The following STK3 variants were observed in gnomAD, a reference collection of about 807,000 sequenced individuals.
The protein encoded by STK3 is serine/threonine kinase 3.
Under a neutral mutation model 58.0 loss-of-function variants are expected in STK3, and 41 were observed. The observed-to-expected ratio is 0.71, with a 90% CI of 0.55 to 0.92. STK3 has a LOEUF of 0.92. Among genes scored for constraint, STK3 ranks in the 40% least tolerant of loss-of-function variants. The probability of loss-of-function intolerance (pLI) is 0.00; values close to 1 mark genes in which losing one functional copy is unlikely to be tolerated. For missense variants in STK3, 479 were observed against 602.7 expected (o/e 0.79, Z 2.15); for synonymous variants, 170 against 191.0 (o/e 0.89, Z 0.91).
Position 98,429,246 on chromosome 8 carries a change from C to T in STK3, n.483+4881G>A, listed in dbSNP as rs773134157. On this transcript the variant is annotated intron_variant and non_coding_transcript_variant, in intron 3 of 3. Transcript: ENST00000517832. Reference sequence around the variant, plus strand: ...CCACTTTTACCGGCGCCAAAAGCAACTTGAGAGTGCCATGCGCAGCTGTGA... The same window carrying T: ...CCACTTTTACCGGCGCCAAAAGCAATTTGAGAGTGCCATGCGCAGCTGTGA... The T allele has an allele frequency of 1.5e-5, 24 of 1,614,076 alleles. No individual in the cohort carries two copies. The South Asian group carries it at 2.6e-4, about 18-fold the overall frequency.
intron 6 of STK3, among the ~76,000 whole-genome samples, chr8:98,702,540 GC>G (rs1325695209): frequency 6.6e-6 from 1 of 152,072 alleles, no homozygotes; most frequent in East Asian, 1.9e-4. Context: ...ATCTCTTTTT[GC>G]CCCTAATTTT....
At chr8:98,424,837 G>A (rs1210239602) in intron 3 of STK3, among the ~76,000 whole-genome samples, 2 of 152,188 alleles carry the variant, frequency 1.3e-5, no homozygotes, top group African/African-American at 4.8e-5. Context: ...GAATGGGAGC[G>A]GCTGGGAATG....
Position 98,455,762 on chromosome 8 carries a change from T to C in STK3, c.*80A>G, listed in dbSNP as rs894532449. ...CTAATTGTAGGGCAAAATCTTAGGA[T>C]TAAAAATATCCAAATATTCCTTCAA... On this transcript the variant is annotated 3_prime_UTR_variant, in exon 11 of 11. Transcript: ENST00000419617. The C allele has an allele frequency of 1.9e-6, 3 of 1,543,278 alleles. No homozygotes were observed. Among genetic ancestry groups the C allele is most frequent in the African/African-American group, 2.7e-5 (2 of 72,876 alleles).
At chr8:98,796,793 A>G (rs1385755422) in intron 1 of STK3, among the ~76,000 whole-genome samples, 2 of 152,262 alleles carry the variant, frequency 1.3e-5, no homozygotes, top group Non-Finnish European at 2.9e-5. Flanking sequence ...AAAAATCGGC[A>G]AAAGACATGA....
At chr8:98,477,717 T>TGGGGGGG (rs1563642954) in intron 10 of STK3, among the ~76,000 whole-genome samples, 1 of 6,040 alleles carries the variant, frequency 1.7e-4, no homozygotes, top group Admixed American at 2.4e-3. Context: ...GGGGGGGGGG[T>TGGGGGGG]GGGCGGGGGG....
chr8:98,632,790 G>T (rs904349500), intron 6 of STK3, among the ~76,000 whole-genome samples: 1 of 152,048 alleles, frequency 6.6e-6, no homozygotes, highest in Non-Finnish European at 1.5e-5. Flanking sequence ...CATTCATGTA[G>T]TGCCTCACCC....
chr8:98,465,518 A>G (rs1043833179), intron 10 of STK3, among the ~76,000 whole-genome samples: 1 of 152,224 alleles, frequency 6.6e-6, no homozygotes, highest in African/African-American at 2.4e-5. Context: ...GCCATATGAA[A>G]TAAGTGCATA....
At chr8:98,755,452 C>T (rs1438621575) in intron 3 of STK3, among the ~76,000 whole-genome samples, 1 of 152,162 alleles carries the variant, frequency 6.6e-6, no homozygotes, top group Non-Finnish European at 1.5e-5. Context: ...AATAAAATTG[C>T]TCCTAGTTCA....
intron 6 of STK3, among the ~76,000 whole-genome samples, chr8:98,644,368 G>A (rs935215576): frequency 1.3e-5 from 2 of 152,134 alleles, no homozygotes; most frequent in Non-Finnish European, 2.9e-5. Context: ...TTTTGAGAGA[G>A]CAACTCACAG....
Position 98,596,477 on chromosome 8 carries a change from C to T in STK3, c.685-308G>A, listed in dbSNP as rs574443494. On this transcript the variant is annotated intron_variant, in intron 6 of 10. Coordinates refer to ENST00000419617, the MANE Select transcript of STK3 (RefSeq NM_006281.4). Reference sequence around the variant, plus strand: ...TGACCCACTAAGGACTTTCCCTAAACATATATATTCCCAAATTTTGCTACT... The same window carrying T: ...TGACCCACTAAGGACTTTCCCTAAATATATATATTCCCAAATTTTGCTACT... 221 of 181,826 alleles carry T rather than the reference C, an allele frequency of 1.2e-3. 1 individual carries two copies. The highest frequency in any genetic ancestry group is 4.9e-3 in the African/African-American group (209 of 42,700). The allele number at this position is 181,826 out of a possible 1,614,324, so 11.3% of individuals were successfully genotyped here.
intron 10 of STK3, among the ~76,000 whole-genome samples, chr8:98,504,840 A>G (rs1404386528): frequency 6.6e-6 from 1 of 151,948 alleles, no homozygotes; most frequent in African/African-American, 2.4e-5. Flanking sequence ...CTTCATTTCA[A>G]CCTTGGTGAA....
chr8:98,902,533 C>T (rs1012260843), intron 1 of STK3, among the ~76,000 whole-genome samples: 1 of 152,192 alleles, frequency 6.6e-6, no homozygotes, highest in Non-Finnish European at 1.5e-5. Flanking sequence ...CCTCTTCCCT[C>T]ACCACGCCCA....
At chr8:98,709,931 T>A (rs1263462411) in intron 4 of STK3, among the ~76,000 whole-genome samples, 1 of 152,102 alleles carries the variant, frequency 6.6e-6, no homozygotes, top group Non-Finnish European at 1.5e-5. Flanking sequence ...TTGCCATTTT[T>A]TTTTTAAAGT....
chr8:98,732,973 GTAAT>G (rs1480048512), intron 4 of STK3, among the ~76,000 whole-genome samples: 1 of 152,206 alleles, frequency 6.6e-6, no homozygotes, highest in African/African-American at 2.4e-5. Flanking sequence ...ATGATTTTGA[GTAAT>G]TAATTGTGAG....
intron 1 of STK3, among the ~76,000 whole-genome samples, chr8:98,941,046 C>A (rs1840402470): frequency 6.6e-6 from 1 of 152,194 alleles, no homozygotes; most frequent in African/African-American, 2.4e-5. Flanking sequence ...GTTGGCCAAG[C>A]CCTCACGCAG....
intron 1 of STK3, among the ~76,000 whole-genome samples, chr8:98,821,408 T>C (rs1025635578): frequency 2.6e-5 from 4 of 152,028 alleles, no homozygotes; most frequent in Non-Finnish European, 5.9e-5. Flanking sequence ...TGGGGATCTA[T>C]GATTTAATGA....
chr8:98,738,952 C>A (rs970390673), intron 4 of STK3, among the ~76,000 whole-genome samples: 1 of 152,242 alleles, frequency 6.6e-6, no homozygotes, highest in African/African-American at 2.4e-5. Context: ...CCACACCTGG[C>A]TCGGAGGGTC....
intron 3 of STK3, chr8:98,427,959 C>G: frequency 6.8e-7 from 1 of 1,479,360 alleles, no homozygotes; most frequent in Non-Finnish European, 9.0e-7. Flanking sequence ...CCGCGCGGCG[C>G]GGGCGGCCGG....
intron 3 of STK3, among the ~76,000 whole-genome samples, chr8:98,408,330 A>C (rs532614825): frequency 1.3e-5 from 2 of 152,358 alleles, no homozygotes; most frequent in South Asian, 4.1e-4. Context: ...TTTCCACCAC[A>C]ACAATAATAA....
Sources: gnomAD v4.1 joint callset for allele counts (sites outside exome capture counted in the v4.1 genomes callset) on GRCh38, gnomAD v4.1.1 for gene constraint, MANE v1.5 for transcripts, NCBI Gene and HGNC (gene_info 2026-07-23, HGNC 2026-07-21) for gene names.